Variants in CEP350 observed in about 807,000 individuals in gnomAD.
The protein encoded by CEP350 is centrosome-associated protein 350.
CEP350 carries 126 observed loss-of-function variants against 331.8 expected under a neutral mutation model. That is an observed-to-expected ratio of 0.38 (90% CI 0.33 to 0.44). The LOEUF (loss-of-function observed/expected upper bound fraction) is 0.44. Among genes scored for constraint, CEP350 ranks in the 20% least tolerant of loss-of-function variants. The pLI is 1.00. For missense variants in CEP350, 3,406 were observed against 3,634.6 expected (o/e 0.94, Z 1.62); for synonymous variants, 1,200 against 1,259.5 (o/e 0.95, Z 1.00).
At chr1:179,984,546 C>T (rs1052696550) in intron 1 of CEP350, among the ~76,000 whole-genome samples, 4 of 152,148 alleles carry the variant, frequency 2.6e-5, no homozygotes, top group African/African-American at 4.8e-5. Flanking sequence ...GATGAGAATG[C>T]GTTTTATAGC....
intron 3 of CEP350, among the ~76,000 whole-genome samples, chr1:179,988,084 G>A (rs1652770296): frequency 6.6e-6 from 1 of 152,056 alleles, no homozygotes; most frequent in African/African-American, 2.4e-5. Context: ...ATCGTTTTGA[G>A]CCCAGGCATT....
At position 180,014,309 on chromosome 1, in the gene CEP350, A is replaced by G; in HGVS notation, c.1856A>G (p.Lys619Arg). The change falls in exon 10 of 38, where the codon AAG (lysine) becomes AGG (arginine). Residue 619 changes from lysine to arginine, a missense_variant. Coordinates refer to ENST00000367607, the MANE Select transcript of CEP350 (RefSeq NM_014810.5). The part of the protein sequence containing the change: ...RKQNEEKKAQ[K>R]EATEQKNKRL... ...CAAAATGAAGAGAAGAAGGCTCAAA[A>G]GGAGGCTACAGAACAGAAAAACAAA... 1 of 1,592,044 alleles carries G rather than the reference A, an allele frequency of 6.3e-7. No homozygotes were observed. Among genetic ancestry groups the G allele is most frequent in the African/African-American group, 1.3e-5 (1 of 74,598 alleles).
At chr1:180,031,534 G>T (rs1384610947) in intron 15 of CEP350, 40 bp downstream of exon 15, 3 of 963,594 alleles carry the variant, frequency 3.1e-6, no homozygotes, top group South Asian at 4.0e-5. Flanking sequence ...TATAATTAAA[G>T]ATATATAATT....
At chr1:180,009,919 A>G (rs1317483122) in intron 8 of CEP350, among the ~76,000 whole-genome samples, 2 of 152,178 alleles carry the variant, frequency 1.3e-5, no homozygotes, top group African/African-American at 2.4e-5. Flanking sequence ...AGCCCTTTTT[A>G]AAGAAACTCT....
At chr1:180,084,457 T>A (rs1054563148) in intron 31 of CEP350, among the ~76,000 whole-genome samples, 2 of 152,136 alleles carry the variant, frequency 1.3e-5, no homozygotes, top group East Asian at 3.9e-4. Context: ...ATCCGCCCCC[T>A]GGGTTCACGC....
At chr1:179,991,434 G>T (rs1229771188) in intron 4 of CEP350, among the ~76,000 whole-genome samples, 1 of 148,380 alleles carries the variant, frequency 6.7e-6, no homozygotes, top group Non-Finnish European at 1.5e-5. Flanking sequence ...CTCCTGAGTA[G>T]CCGCGCCACC....
chr1:179,975,521 G>A (rs1170853302), intron 1 of CEP350, among the ~76,000 whole-genome samples: 8 of 151,906 alleles, frequency 5.3e-5, no homozygotes, highest in African/African-American at 1.9e-4. Flanking sequence ...AGAAATTAGA[G>A]AAACATCTTA....
At position 180,099,406 on chromosome 1, in the gene CEP350, A is replaced by ATTC. The variant is rs1435617593; in HGVS notation, c.9189+422_9189+423insTCT. On this transcript the variant is annotated intron_variant, in intron 37 of 37. Transcript: ENST00000367607. ...AAATTATTAAGAAAATTAAATAAGT[A>ATTC]TATGTGTAAAGCACTTAGAATAGTT... 3.3e-5 allele frequency among the ~76,000 whole-genome samples: 5 copies of ATTC among 152,344 alleles called. No homozygotes were observed. In the East Asian group the frequency reaches 9.6e-4, roughly 29 times the overall value.
At chr1:180,040,548 A>G (rs1299714988) in intron 17 of CEP350, among the ~76,000 whole-genome samples, 1 of 151,880 alleles carries the variant, frequency 6.6e-6, no homozygotes, top group Non-Finnish European at 1.5e-5. Flanking sequence ...TTGGCCTCCC[A>G]AAGTGCTGGG....
chr1:179,965,000 A>G lies in CEP350; in HGVS notation c.-14+9858A>G, dbSNP rs183733300. On this transcript the variant is annotated intron_variant, in intron 1 of 37. Coordinates refer to ENST00000367607, the MANE Select transcript of CEP350 (RefSeq NM_014810.5). ...CTTTAAGTTCAACTTTAAGTTGTCA[A>G]TTTGATATCTTACTGTCTTTTTGAT... 2.9e-4 allele frequency among the ~76,000 whole-genome samples: 44 copies of G among 151,766 alleles called. No individual in the cohort carries two copies. In the East Asian group the frequency reaches 6.6e-3, roughly 23 times the overall value.
intron 8 of CEP350, among the ~76,000 whole-genome samples, chr1:180,011,257 C>G (rs1292867826): frequency 6.6e-6 from 1 of 152,200 alleles, no homozygotes; most frequent in Non-Finnish European, 1.5e-5. Context: ...ATACCATCCC[C>G]TTCAAAAGTA....
chr1:179,990,501 C>T lies in CEP350; in HGVS notation c.121-6C>T, dbSNP rs760146553. 1 of 1,497,870 alleles carries T rather than the reference C, an allele frequency of 6.7e-7. No homozygotes were observed. The highest frequency in any genetic ancestry group is 9.2e-7 in the Non-Finnish European group (1 of 1,091,710). The allele number at this position is 1,497,870 out of a possible 1,614,324, so 92.8% of individuals were successfully genotyped here. A position where few individuals can be genotyped will look rare whatever the true frequency, so the allele number is the denominator to read the frequency against. Reference sequence around the variant, plus strand: ...CTTATGTCTTATGATGGTGTTTAAACTTTAGCTGAGACACATTGAAAATAA... The same window carrying T: ...CTTATGTCTTATGATGGTGTTTAAATTTTAGCTGAGACACATTGAAAATAA... On this transcript the variant is annotated splice_polypyrimidine_tract_variant and splice_region_variant and intron_variant, in intron 3 of 37. Transcript: ENST00000367607.
chr1:180,099,073 C>T (rs1314380289), intron 37 of CEP350, 88 bp downstream of exon 37: 7 of 1,282,612 alleles, frequency 5.5e-6, no homozygotes, highest in East Asian at 2.4e-5. Context: ...AAGGGATAGA[C>T]TTATTCTTAA....
intron 6 of CEP350, 40 bp downstream of exon 6, chr1:179,997,215 T>C: frequency 1.3e-6 from 2 of 1,563,554 alleles, no homozygotes; most frequent in Non-Finnish European, 1.7e-6. Context: ...CCCTGCTTCT[T>C]TGTTCTTCTT....
At chr1:180,108,646 T>C (rs555177672) in intron 37 of CEP350, among the ~76,000 whole-genome samples, 4 of 152,346 alleles carry the variant, frequency 2.6e-5, no homozygotes, top group East Asian at 3.9e-4. Context: ...AGAAGTCTTA[T>C]ATTAGGCTGT....
chr1:180,046,283 G>A (rs887146537), intron 21 of CEP350, among the ~76,000 whole-genome samples: 4 of 152,060 alleles, frequency 2.6e-5, no homozygotes, highest in South Asian at 2.1e-4. Flanking sequence ...TCCTATCTCC[G>A]TTCTCTATGG....
At position 180,078,587 on chromosome 1, in the gene CEP350, G is replaced by A. The variant is rs1659375349; in HGVS notation, c.5892G>A (p.Glu1964=). Residue 1964 remains glutamate, a synonymous_variant, in exon 29 of 38, where the codon GAG becomes GAA. Transcript: ENST00000367607. ...TACCATCCGAGTCTATAGGACAGGAGCAGCCAGGGAGTCCAGATCACAGTA... is the reference window on the plus strand; with the variant it reads ...TACCATCCGAGTCTATAGGACAGGAACAGCCAGGGAGTCCAGATCACAGTA... ...EYVPSESIGQ[E]QPGSPDHSIL... is the part of the protein sequence containing the mutation. The A allele has an allele frequency of 2.5e-6, 4 of 1,613,452 alleles. No homozygotes were observed. The highest frequency in any genetic ancestry group is 3.3e-4 in the Middle Eastern group (2 of 6,052).
intron 5 of CEP350, among the ~76,000 whole-genome samples, chr1:179,994,509 A>G (rs1188651617): frequency 7.2e-6 from 1 of 139,710 alleles, no homozygotes; most frequent in Non-Finnish European, 1.5e-5. Context: ...GCTGGAGTCC[A>G]GTGGCCCAAT....
rs756278179 is a variant in CEP350, at chr1:179,991,707, GTATATA to G, written c.236-342_236-337del. Among the ~76,000 whole-genome samples, 438 of 96,954 alleles carry G rather than the reference GTATATA, an allele frequency of 4.5e-3. 4 individuals are homozygous for G. The highest frequency in any genetic ancestry group is 0.016 in the African/African-American group (409 of 26,264). The allele number at this position is 96,954 out of a possible 152,430, so 63.6% of individuals were successfully genotyped here. A position where few individuals can be genotyped will look rare whatever the true frequency, so the allele number is the denominator to read the frequency against. ...TGTGTGTGTGTGTGTGTGTGTGTGT[GTATATA>G]TATATATATATACATTTTTTTTTAA... is the stretch of plus-strand genomic sequence containing the variant. On this transcript the variant is annotated intron_variant, in intron 4 of 37. Transcript: ENST00000367607.
Sources: gnomAD v4.1 joint callset for allele counts (sites outside exome capture counted in the v4.1 genomes callset) on GRCh38, gnomAD v4.1.1 for gene constraint, MANE v1.5 for transcripts, NCBI Gene and HGNC (gene_info 2026-07-23, HGNC 2026-07-21) for gene names.